Variants in GLRA2 observed in about 807,000 individuals in gnomAD.
The protein encoded by GLRA2 is glycine receptor subunit alpha-2.
In GLRA2, 11 loss-of-function variants were observed where a neutral mutation model predicts 31.6. The observed-to-expected ratio is 0.35, with a 90% confidence interval of 0.22 to 0.58. The LOEUF (loss-of-function observed/expected upper bound fraction) is 0.58. Ranked by LOEUF, GLRA2 falls within the 20% of genes least tolerant of loss-of-function variation. The pLI, the probability that GLRA2 is intolerant of heterozygous loss-of-function variation, is 0.84. For missense variants in GLRA2, 212 were observed against 351.8 expected (o/e 0.60, Z 3.18); for synonymous variants, 132 against 134.0 (o/e 0.99, Z 0.10).
chrX:14,528,137 A>G (rs1311682724), upstream of GLRA2, among the ~76,000 whole-genome samples: 2 of 112,275 alleles, frequency 1.8e-5, no homozygotes, highest in Non-Finnish European at 3.8e-5. Context: ...ACTGTGGACA[A>G]GCAGCATCAA....
At chrX:14,632,092 T>G (rs1333642078) in intron 7 of GLRA2, among the ~76,000 whole-genome samples, 2 of 103,561 alleles carry the variant, frequency 1.9e-5, no homozygotes, top group Admixed American at 2.2e-4. Flanking sequence ...CCTTGCATCA[T>G]GACCTAGAAA....
chrX:14,640,698 C>T (rs190557245), intron 7 of GLRA2, among the ~76,000 whole-genome samples: 2 of 111,433 alleles, frequency 1.8e-5, no homozygotes, highest in Admixed American at 1.9e-4. Flanking sequence ...TTTCACAAAA[C>T]TCAATCCCTG....
chrX:14,687,678 C>T (rs2091295181), intron 7 of GLRA2, among the ~76,000 whole-genome samples: 1 of 112,000 alleles, frequency 8.9e-6, no homozygotes, highest in Non-Finnish European at 1.9e-5. Flanking sequence ...GACTTCTCTA[C>T]ACTGTTTATT....
intron 7 of GLRA2, among the ~76,000 whole-genome samples, chrX:14,661,596 G>T (rs1311629660): frequency 2.7e-5 from 3 of 111,854 alleles, no homozygotes; most frequent in Non-Finnish European, 5.6e-5. Flanking sequence ...AAATGGCTGG[G>T]TGTGGTGGCT....
chrX:14,474,355 T>A, the GLRA2 span, among the ~76,000 whole-genome samples: 2 of 111,692 alleles, frequency 1.8e-5, no homozygotes, highest in South Asian at 7.6e-4. Context: ...CTCCAGCTGC[T>A]TTGTGTAATG....
chrX:14,679,085 T>C (rs1441279729), intron 7 of GLRA2, among the ~76,000 whole-genome samples: 1 of 110,846 alleles, frequency 9.0e-6, no homozygotes, highest in Non-Finnish European at 1.9e-5. Context: ...GTCTCTGTTA[T>C]AGCGCTCAAC....
At chrX:14,614,342 T>A (rs2147101386) in intron 7 of GLRA2, among the ~76,000 whole-genome samples, 1 of 111,563 alleles carries the variant, frequency 9.0e-6, no homozygotes, top group African/African-American at 3.3e-5. Context: ...GCATCCAACA[T>A]ACTACACCAT....
At position 14,529,938 on chromosome X, in the gene GLRA2, G is replaced by T; in HGVS notation, c.-120G>T. ...ACTGTACAAAACCAAATCTCTTTTT[G>T]ATTTTCAAGGAAACTAGGTTCCTGC... On this transcript the variant is annotated 5_prime_UTR_variant, in exon 1 of 9. Transcript: ENST00000218075. The T allele has an allele frequency of 1.7e-6, 1 of 575,549 alleles. No individual in the cohort carries two copies. Among genetic ancestry groups the T allele is most frequent in the East Asian group, 3.4e-5 (1 of 29,182 alleles). The allele number at this position is 575,549 out of a possible 1,213,427, so 47.4% of individuals were successfully genotyped here. A position where few individuals can be genotyped will look rare whatever the true frequency, so the allele number is the denominator to read the frequency against.
intron 8 of GLRA2, among the ~76,000 whole-genome samples, chrX:14,698,679 C>A (rs2091486201): frequency 2.0e-5 from 1 of 49,060 alleles, no homozygotes; most frequent in Non-Finnish European, 3.3e-5. Flanking sequence ...CTCTATCTAT[C>A]TCAAAAAAAA....
chrX:14,691,878 A>T (rs1489871369), intron 8 of GLRA2, among the ~76,000 whole-genome samples: 2 of 112,363 alleles, frequency 1.8e-5, no homozygotes, highest in Non-Finnish European at 1.9e-5. Context: ...AGAGAGAGAA[A>T]GATTTTTCAA....
the GLRA2 span, among the ~76,000 whole-genome samples, chrX:14,495,279 T>C: frequency 3.1e-4 from 34 of 111,396 alleles, no homozygotes; most frequent in Admixed American, 2.9e-3. Flanking sequence ...ACATATTCAA[T>C]ATAAGACAAT....
intron 3 of GLRA2, among the ~76,000 whole-genome samples, chrX:14,575,566 A>G (rs1413460223): frequency 9.1e-6 from 1 of 110,016 alleles, no homozygotes; most frequent in Non-Finnish European, 1.9e-5. Flanking sequence ...GGCTCAAACG[A>G]TATTCCTGCC....
intron 1 of GLRA2, chrX:14,530,839 A>C: frequency 3.0e-6 from 1 of 335,088 alleles, no homozygotes; most frequent in South Asian, 8.8e-5. Context: ...AAAATATCAA[A>C]TCATTACCAG....
chrX:14,662,772 A>G (rs1370821054), intron 7 of GLRA2, among the ~76,000 whole-genome samples: 2 of 111,854 alleles, frequency 1.8e-5, no homozygotes, highest in Non-Finnish European at 3.8e-5. Context: ...AAAGGATTAA[A>G]ACATAGGATA....
chrX:14,693,416 G>C (rs1282558746), intron 8 of GLRA2, among the ~76,000 whole-genome samples: 1 of 111,227 alleles, frequency 9.0e-6, no homozygotes, highest in African/African-American at 3.3e-5. Flanking sequence ...TTCAATAGGG[G>C]GATGTGATTA....
At chrX:14,488,311 G>A in the GLRA2 span, among the ~76,000 whole-genome samples, 1 of 112,170 alleles carries the variant, frequency 8.9e-6, no homozygotes, top group Non-Finnish European at 1.9e-5. Flanking sequence ...TCCATATAAT[G>A]GCACTTGAAG....
chrX:14,459,259 T>C, the GLRA2 span, among the ~76,000 whole-genome samples: 1 of 112,032 alleles, frequency 8.9e-6, no homozygotes, highest in Non-Finnish European at 1.9e-5. Context: ...AGTACCATGC[T>C]GTTTTGGTTA....
chrX:14,650,216 G>A (rs955359593), intron 7 of GLRA2, among the ~76,000 whole-genome samples: 5 of 110,651 alleles, frequency 4.5e-5, no homozygotes, highest in Admixed American at 9.6e-5. Flanking sequence ...TTTTAATCAC[G>A]TTTGCCTCCA....
intron 7 of GLRA2, among the ~76,000 whole-genome samples, chrX:14,626,493 G>A (rs962161212): frequency 9.0e-5 from 10 of 111,664 alleles, no homozygotes; most frequent in African/African-American, 2.9e-4. Context: ...ACTTTATAAT[G>A]GTTCCTGAGG....
Sources: gnomAD v4.1 joint callset for allele counts (sites outside exome capture counted in the v4.1 genomes callset) on GRCh38, gnomAD v4.1.1 for gene constraint, MANE v1.5 for transcripts, NCBI Gene and HGNC (gene_info 2026-07-23, HGNC 2026-07-21) for gene names.